CNTNAP2: variants seen among roughly 807,000 people sequenced by gnomAD.
CNTNAP2 encodes the protein contactin associated protein 2, also known as contactin-associated protein-like 2.
Under a neutral mutation model 155.2 loss-of-function variants are expected in CNTNAP2, and 98 were observed. The observed-to-expected ratio is 0.63, with a 90% CI of 0.54 to 0.75. The LOEUF is 0.75. CNTNAP2 is among the 30% of genes least tolerant of loss of function. The pLI, the probability that CNTNAP2 is intolerant of heterozygous loss-of-function variation, is 0.00. For missense variants in CNTNAP2, 1,727 were observed against 1,688.1 expected (o/e 1.02, Z -0.40); for synonymous variants, 651 against 631.2 (o/e 1.03, Z -0.47).
chr7:146,365,915 T>C (rs1346164227), intron 1 of CNTNAP2, among the ~76,000 whole-genome samples: 1 of 152,160 alleles, frequency 6.6e-6, no homozygotes, highest in East Asian at 1.9e-4. Flanking sequence ...TATTCCTAAT[T>C]GCAGTCACAC....
intron 9 of CNTNAP2, among the ~76,000 whole-genome samples, chr7:147,371,037 A>G (rs1234349068): frequency 2.0e-5 from 3 of 152,122 alleles, no homozygotes; most frequent in East Asian, 1.9e-4. Flanking sequence ...CTGACTGTCA[A>G]TGAATGGGTA....
intron 1 of CNTNAP2, among the ~76,000 whole-genome samples, chr7:146,459,703 C>G (rs994881889): frequency 1.3e-5 from 2 of 152,066 alleles, no homozygotes; most frequent in Non-Finnish European, 2.9e-5. Flanking sequence ...AAGCGCGGTG[C>G]CTCACGCCTG....
chr7:146,211,122 C>T (rs1799028027), intron 1 of CNTNAP2, among the ~76,000 whole-genome samples: 1 of 152,122 alleles, frequency 6.6e-6, no homozygotes, highest in African/African-American at 2.4e-5. Flanking sequence ...GGGCCCTTTG[C>T]ACCAAACGAT....
chr7:146,248,770 G>A (rs1447021437), intron 1 of CNTNAP2, among the ~76,000 whole-genome samples: 3 of 152,188 alleles, frequency 2.0e-5, no homozygotes, highest in African/African-American at 7.2e-5. Flanking sequence ...ACAGGGGATT[G>A]ATCTCCCAAG....
chr7:147,521,796 G>T (rs552493737), intron 11 of CNTNAP2, among the ~76,000 whole-genome samples: 1 of 152,236 alleles, frequency 6.6e-6, no homozygotes, highest in Middle Eastern at 3.4e-3. Flanking sequence ...GCGCTTTTAT[G>T]AGGCTTTCTT....
chr7:148,334,610 C>A (rs1252493228), intron 21 of CNTNAP2, among the ~76,000 whole-genome samples: 1 of 152,198 alleles, frequency 6.6e-6, no homozygotes, highest in Non-Finnish European at 1.5e-5. Flanking sequence ...TGTGCAGGAA[C>A]CACAGGCTGC....
intron 18 of CNTNAP2, among the ~76,000 whole-genome samples, chr7:148,179,852 G>A (rs1424677586): frequency 6.6e-6 from 1 of 152,120 alleles, no homozygotes; most frequent in Non-Finnish European, 1.5e-5. Context: ...TACCTCTAAG[G>A]AAGAGAGGGT....
intron 13 of CNTNAP2, among the ~76,000 whole-genome samples, chr7:147,730,367 G>A (rs1252512683): frequency 6.6e-6 from 1 of 152,080 alleles, no homozygotes; most frequent in Non-Finnish European, 1.5e-5. Flanking sequence ...TTTTCTTGCA[G>A]CATTTGCTCA....
chr7:147,345,302 A>G (rs1198220072), intron 9 of CNTNAP2, among the ~76,000 whole-genome samples: 3 of 152,148 alleles, frequency 2.0e-5, no homozygotes, highest in African/African-American at 7.2e-5. Flanking sequence ...GCTTAAATCT[A>G]TTTCGATAAG....
intron 17 of CNTNAP2, among the ~76,000 whole-genome samples, chr7:148,150,355 T>C (rs373352850): frequency 2.0e-5 from 3 of 152,134 alleles, no homozygotes; most frequent in East Asian, 1.9e-4. Flanking sequence ...CTGACCATCC[T>C]GGCTAACACG....
At chr7:146,929,153 C>A (rs1223187675) in intron 3 of CNTNAP2, among the ~76,000 whole-genome samples, 2 of 152,196 alleles carry the variant, frequency 1.3e-5, no homozygotes, top group Admixed American at 6.5e-5. Context: ...GTCCCTGACC[C>A]CTGACCTCCG....
chr7:146,230,452 G>T (rs1220436253), intron 1 of CNTNAP2, among the ~76,000 whole-genome samples: 1 of 152,042 alleles, frequency 6.6e-6, no homozygotes, highest in East Asian at 1.9e-4. Flanking sequence ...ATATTAATCA[G>T]CACCTTAATG....
At chr7:148,030,007 T>C (rs982749587) in intron 15 of CNTNAP2, among the ~76,000 whole-genome samples, 6 of 152,246 alleles carry the variant, frequency 3.9e-5, no homozygotes, top group South Asian at 2.1e-4. Flanking sequence ...TGGTTGGAAA[T>C]CTTCAGAGGA....
At chr7:146,738,671 A>G (rs1801660003) in intron 1 of CNTNAP2, among the ~76,000 whole-genome samples, 2 of 151,876 alleles carry the variant, frequency 1.3e-5, no homozygotes, top group Non-Finnish European at 2.9e-5. Context: ...TATTTAATCC[A>G]TTTTGAGTTG....
chr7:148,097,225 T>C (rs1377622788), intron 15 of CNTNAP2, among the ~76,000 whole-genome samples: 1 of 151,712 alleles, frequency 6.6e-6, no homozygotes, highest in African/African-American at 2.4e-5. Context: ...GCCCGGCCAA[T>C]TTAGAACAAC....
intron 21 of CNTNAP2, among the ~76,000 whole-genome samples, chr7:148,291,342 C>G (rs1371170592): frequency 6.6e-6 from 1 of 151,140 alleles, no homozygotes; most frequent in Admixed American, 6.6e-5. Context: ...TAAGTAATAA[C>G]TCACACGATC....
At chr7:147,583,897 A>T (rs1800567011) in intron 12 of CNTNAP2, among the ~76,000 whole-genome samples, 1 of 152,106 alleles carries the variant, frequency 6.6e-6, no homozygotes, top group South Asian at 2.1e-4. Flanking sequence ...CCAAGCCGAG[A>T]CGGTGGCATG....
chr7:147,810,595 A>G (rs1432335597), intron 13 of CNTNAP2, among the ~76,000 whole-genome samples: 1 of 152,194 alleles, frequency 6.6e-6, no homozygotes, highest in Non-Finnish European at 1.5e-5. Flanking sequence ...GATTCAATAC[A>G]GGTAGAAAGT....
intron 10 of CNTNAP2, among the ~76,000 whole-genome samples, chr7:147,426,914 C>G (rs1201492711): frequency 5.3e-5 from 8 of 152,080 alleles, no homozygotes; most frequent in African/African-American, 1.9e-4. Flanking sequence ...GATGTATTGC[C>G]AGGTGGTTTT....
Sources: gnomAD v4.1 joint callset for allele counts (sites outside exome capture counted in the v4.1 genomes callset) on GRCh38, gnomAD v4.1.1 for gene constraint, MANE v1.5 for transcripts, NCBI Gene and HGNC (gene_info 2026-07-23, HGNC 2026-07-21) for gene names.